The following PDE10A variants were observed in gnomAD, a reference collection of about 807,000 sequenced individuals.
The protein encoded by PDE10A is phosphodiesterase 10A.
In PDE10A, 39 loss-of-function variants were observed where a neutral mutation model predicts 97.7. That is an observed-to-expected ratio of 0.40 (90% CI 0.31 to 0.52). The LOEUF (loss-of-function observed/expected upper bound fraction) is 0.52, where lower values mean the gene tolerates loss of function less well. Among genes scored for constraint, PDE10A ranks in the 20% least tolerant of loss-of-function variants. The probability of loss-of-function intolerance (pLI) is 0.56; values close to 1 mark genes in which losing one functional copy is unlikely to be tolerated. For synonymous variants in PDE10A, 371 were observed against 376.8 expected (o/e 0.98, Z 0.18); for missense variants, 731 against 1,047.8 (o/e 0.70, Z 4.17).
intron 1 of PDE10A, among the ~76,000 whole-genome samples, chr6:165,713,062 G>C (rs1005670847): frequency 6.6e-6 from 1 of 152,194 alleles, no homozygotes; most frequent in South Asian, 2.1e-4. Flanking sequence ...GAATTGCCAC[G>C]GCCTTGGTCA....
chr6:165,814,667 A>G (rs976277866), intron 1 of PDE10A, among the ~76,000 whole-genome samples: 1 of 152,212 alleles, frequency 6.6e-6, no homozygotes, highest in East Asian at 1.9e-4. Flanking sequence ...ATATAGTCAC[A>G]TTCCTCAATT....
chr6:165,545,775 T>C (rs1346032931), intron 1 of PDE10A, among the ~76,000 whole-genome samples: 1 of 152,078 alleles, frequency 6.6e-6, no homozygotes, highest in Non-Finnish European at 1.5e-5. Context: ...ATTGTTGGCA[T>C]GGATGCAAAG....
intron 2 of PDE10A, among the ~76,000 whole-genome samples, chr6:165,539,733 C>T (rs1239568392): frequency 2.6e-5 from 4 of 151,530 alleles, no homozygotes; most frequent in Admixed American, 6.6e-5. Context: ...CCAAGCTGGC[C>T]GACACGTTGA....
intron 1 of PDE10A, among the ~76,000 whole-genome samples, chr6:165,881,392 C>CTTTTTTTTTT (rs68159417): frequency 1.9e-5 from 2 of 107,026 alleles, no homozygotes; most frequent in African/African-American, 8.0e-5. Flanking sequence ...TTTTTCTTTT[C>CTTTTTTTTTT]TTTTTTTTTT....
intron 3 of PDE10A, among the ~76,000 whole-genome samples, chr6:165,479,449 T>G (rs1779477957): frequency 6.6e-6 from 1 of 152,228 alleles, no homozygotes; most frequent in Non-Finnish European, 1.5e-5. Context: ...CTGCTGATTC[T>G]CTCATTCCCT....
At chr6:165,809,621 G>C (rs1779226229) in intron 1 of PDE10A, among the ~76,000 whole-genome samples, 1 of 152,122 alleles carries the variant, frequency 6.6e-6, no homozygotes, top group Admixed American at 6.5e-5. Flanking sequence ...CCAATGTAGA[G>C]CCTCACTCCA....
chr6:165,792,483 C>T (rs528841093), intron 1 of PDE10A, among the ~76,000 whole-genome samples: 2 of 152,284 alleles, frequency 1.3e-5, no homozygotes, highest in Non-Finnish European at 2.9e-5. Flanking sequence ...GCACTTGGTT[C>T]CCTGGCTCAC....
chr6:165,717,908 A>G (rs901387151), intron 1 of PDE10A, among the ~76,000 whole-genome samples: 11 of 152,260 alleles, frequency 7.2e-5, no homozygotes, highest in African/African-American at 2.6e-4. Context: ...ACATCTACTC[A>G]AGTCCTTTGC....
At chr6:165,933,056 C>G (rs1783192393) in intron 1 of PDE10A, among the ~76,000 whole-genome samples, 1 of 152,144 alleles carries the variant, frequency 6.6e-6, no homozygotes, top group South Asian at 2.1e-4. Context: ...AAACCCCTCC[C>G]CAGGTTTGTG....
chr6:165,547,923 T>C (rs1783815661), intron 1 of PDE10A, among the ~76,000 whole-genome samples: 1 of 152,218 alleles, frequency 6.6e-6, no homozygotes, highest in South Asian at 2.1e-4. Context: ...TGGTTTTTGC[T>C]TTCTGCAAGC....
intron 5 of PDE10A, among the ~76,000 whole-genome samples, chr6:165,437,754 C>A (rs962898735): frequency 3.9e-5 from 6 of 152,224 alleles, no homozygotes; most frequent in African/African-American, 1.4e-4. Context: ...AACCTCACAA[C>A]ACACACTTGT....
intron 1 of PDE10A, among the ~76,000 whole-genome samples, chr6:165,943,430 C>T (rs1272153193): frequency 6.6e-6 from 1 of 152,116 alleles, no homozygotes; most frequent in Non-Finnish European, 1.5e-5. Flanking sequence ...GGGAATGGCT[C>T]ATGCAATTAC....
intron 1 of PDE10A, among the ~76,000 whole-genome samples, chr6:165,868,398 T>C (rs562159889): frequency 2.6e-5 from 4 of 152,006 alleles, no homozygotes; most frequent in Admixed American, 1.3e-4. Context: ...TGATATCTAA[T>C]TCGAAAACCT....
chr6:165,821,910 T>C (rs199761564), intron 1 of PDE10A, among the ~76,000 whole-genome samples: 1 of 148,484 alleles, frequency 6.7e-6, no homozygotes, highest in Non-Finnish European at 1.5e-5. Flanking sequence ...GGTTTTTTTT[T>C]CCCTGCCTTG....
chr6:165,938,912 G>A (rs1025909679), intron 1 of PDE10A, among the ~76,000 whole-genome samples: 3 of 152,176 alleles, frequency 2.0e-5, no homozygotes, highest in African/African-American at 7.2e-5. Flanking sequence ...CTTTAGTAAA[G>A]TGGACATATG....
At chr6:165,694,100 C>T (rs1413186898) in intron 1 of PDE10A, among the ~76,000 whole-genome samples, 1 of 152,182 alleles carries the variant, frequency 6.6e-6, no homozygotes, top group Non-Finnish European at 1.5e-5. Context: ...ATTCAAGGGA[C>T]TGTAAGTGTA....
intron 1 of PDE10A, among the ~76,000 whole-genome samples, chr6:165,564,025 T>C (rs983733341): frequency 3.3e-5 from 5 of 152,142 alleles, no homozygotes; most frequent in Admixed American, 2.6e-4. Flanking sequence ...TCAAAGAGAA[T>C]AAACTATTAT....
At chr6:165,372,868 T>A (rs1307264384) in intron 18 of PDE10A, among the ~76,000 whole-genome samples, 1 of 151,844 alleles carries the variant, frequency 6.6e-6, no homozygotes, top group African/African-American at 2.4e-5. Context: ...ATGGTACTGG[T>A]ACCAAAACAG....
chr6:165,843,692 G>C (rs1780324417), intron 1 of PDE10A, among the ~76,000 whole-genome samples: 1 of 152,178 alleles, frequency 6.6e-6, no homozygotes. Context: ...TGGGGACTGG[G>C]TTTCAACATG....
Sources: allele counts gnomAD v4.1 joint callset (sites outside exome capture counted in the v4.1 genomes callset), GRCh38; gene constraint gnomAD v4.1.1; transcripts MANE v1.5; gene names NCBI Gene and HGNC (gene_info 2026-07-23, HGNC 2026-07-21).